ERBB4: variants seen among roughly 807,000 people sequenced by gnomAD.
ERBB4 encodes the protein erb-b2 receptor tyrosine kinase 4.
A neutral mutation model predicts 158.0 loss-of-function variants in ERBB4; 42 were observed. The observed-to-expected ratio is 0.27, with a 90% CI of 0.21 to 0.34. The LOEUF (loss-of-function observed/expected upper bound fraction) is 0.34. ERBB4 is among the 10% of genes least tolerant of loss of function. The pLI is 1.00. For synonymous variants in ERBB4, 583 were observed against 558.7 expected (o/e 1.04, Z -0.61); for missense variants, 1,333 against 1,624.1 (o/e 0.82, Z 3.08).
intron 20 of ERBB4, among the ~76,000 whole-genome samples, chr2:211,476,509 G>C (rs536903359): frequency 2.5e-4 from 38 of 151,344 alleles, no homozygotes; most frequent in Non-Finnish European, 4.6e-4. Context: ...GAGACCCTGA[G>C]TTACAGAAGA....
At position 211,942,815 on chromosome 2, in the gene ERBB4, G is replaced by A. The variant is rs141777426; in HGVS notation, c.421+4615C>T. Among the ~76,000 whole-genome samples, 176 of 151,960 alleles carry A rather than the reference G, an allele frequency of 1.2e-3. 1 individual carries two copies. Among genetic ancestry groups the A allele is most frequent in the African/African-American group, 3.9e-3 (162 of 41,428 alleles). On this transcript the variant is annotated intron_variant, in intron 3 of 27. Coordinates refer to ENST00000342788, the MANE Select transcript of ERBB4 (RefSeq NM_005235.3). Reference sequence around the variant, plus strand: ...GTATTTCTGTATCATCCCAAATATCGCCTTCTCTAAAGATATTCTCATAAT... The same window carrying A: ...GTATTTCTGTATCATCCCAAATATCACCTTCTCTAAAGATATTCTCATAAT...
chr2:212,177,281 C>T (rs2081699255), intron 1 of ERBB4, among the ~76,000 whole-genome samples: 1 of 151,688 alleles, frequency 6.6e-6, no homozygotes, highest in South Asian at 2.1e-4. Context: ...TTAAAATTTG[C>T]AATATTTTTT....
intron 3 of ERBB4, among the ~76,000 whole-genome samples, chr2:211,940,640 C>T (rs796120119): frequency 1.3e-5 from 2 of 151,622 alleles, no homozygotes; most frequent in Non-Finnish European, 2.9e-5. Flanking sequence ...CTTTAAGATT[C>T]CTGAAGGGGT....
chr2:212,329,398 G>A (rs2088019242), intron 1 of ERBB4, among the ~76,000 whole-genome samples: 1 of 152,064 alleles, frequency 6.6e-6, no homozygotes, highest in South Asian at 2.1e-4. Flanking sequence ...AGAGAACACT[G>A]TAATGGAAAA....
chr2:212,140,515 T>A (rs142869781), intron 1 of ERBB4, among the ~76,000 whole-genome samples: 12,752 of 148,600 alleles, frequency 0.086, 1,147 homozygotes, highest in African/African-American at 0.23. Context: ...TATTTCATTT[T>A]TAAAAATGTT....
chr2:211,587,341 C>T (rs1008779257), intron 19 of ERBB4, among the ~76,000 whole-genome samples: 3 of 152,044 alleles, frequency 2.0e-5, no homozygotes, highest in East Asian at 1.9e-4. Flanking sequence ...GGCAACAGAG[C>T]GAGACTGTGT....
intron 3 of ERBB4, among the ~76,000 whole-genome samples, chr2:211,882,288 C>T (rs1023016806): frequency 6.6e-6 from 1 of 152,112 alleles, no homozygotes; most frequent in Non-Finnish European, 1.5e-5. Context: ...CCAGGACCCT[C>T]GGTTCTTTAG....
intron 20 of ERBB4, among the ~76,000 whole-genome samples, chr2:211,436,856 G>C (rs2063866017): frequency 1.3e-5 from 2 of 152,246 alleles, no homozygotes; most frequent in African/African-American, 2.4e-5. Flanking sequence ...AAAATTAGGA[G>C]ACATATTAAA....
intron 19 of ERBB4, among the ~76,000 whole-genome samples, chr2:211,577,977 A>G (rs1438177488): frequency 6.6e-6 from 1 of 152,172 alleles, no homozygotes; most frequent in Non-Finnish European, 1.5e-5. Flanking sequence ...CAGGCAAGAG[A>G]AAGAAATACG....
intron 2 of ERBB4, among the ~76,000 whole-genome samples, chr2:211,983,810 C>A (rs1367720022): frequency 2.6e-5 from 4 of 152,004 alleles, no homozygotes; most frequent in Admixed American, 6.6e-5. Context: ...AGATCTGCTA[C>A]AAAACTGAAT....
intron 1 of ERBB4, among the ~76,000 whole-genome samples, chr2:212,417,751 A>G (rs1016753695): frequency 3.9e-5 from 6 of 152,054 alleles, no homozygotes; most frequent in Admixed American, 6.6e-5. Flanking sequence ...CCTATGTACT[A>G]TAACAGATCC....
intron 1 of ERBB4, among the ~76,000 whole-genome samples, chr2:212,383,077 T>A (rs2090562085): frequency 1.3e-5 from 2 of 151,118 alleles, no homozygotes; most frequent in Admixed American, 1.3e-4. Flanking sequence ...GCTTAGAGAG[T>A]CTTTACCCAT....
chr2:211,568,935 C>G (rs1213147368), intron 19 of ERBB4, among the ~76,000 whole-genome samples: 1 of 152,152 alleles, frequency 6.6e-6, no homozygotes, highest in East Asian at 1.9e-4. Context: ...TAAACGAAAT[C>G]TGCATCTGTT....
Position 211,808,399 on chromosome 2 carries a change from C to CT in ERBB4, c.422-20241dup, listed in dbSNP as rs550141954. On this transcript the variant is annotated intron_variant, in intron 3 of 27. Coordinates refer to ENST00000342788, the MANE Select transcript of ERBB4 (RefSeq NM_005235.3). Reference sequence around the variant, plus strand: ...TAAATAGGGAATCCTTTCCCCATTGCTTTTTTTTTGTCAGGTTTGTCAAGG... The same window carrying CT: ...TAAATAGGGAATCCTTTCCCCATTGCTTTTTTTTTTGTCAGGTTTGTCAAGG... 5.6e-3 allele frequency among the ~76,000 whole-genome samples: 839 copies of CT among 151,122 alleles called. 3 individuals are homozygous for CT. The highest frequency in any genetic ancestry group is 8.8e-3 in the Non-Finnish European group (597 of 67,720).
chr2:212,172,654 C>A (rs1198209393), intron 1 of ERBB4, among the ~76,000 whole-genome samples: 2 of 152,024 alleles, frequency 1.3e-5, no homozygotes, highest in Non-Finnish European at 2.9e-5. Context: ...AGCTGGAGGC[C>A]ATGTTCCTTA....
At chr2:212,054,945 C>G (rs1441697826) in intron 2 of ERBB4, among the ~76,000 whole-genome samples, 2 of 152,126 alleles carry the variant, frequency 1.3e-5, no homozygotes, top group South Asian at 4.1e-4. Context: ...GCTTGTAGGA[C>G]AGTGGGGGCA....
chr2:211,623,797 TA>T (rs1195181459), intron 18 of ERBB4, 124 bp downstream of exon 18: 27 of 911,136 alleles, frequency 3.0e-5, no homozygotes, highest in Non-Finnish European at 4.3e-5. Flanking sequence ...CTCAATATTA[TA>T]AAAGTCTTCC....
In ERBB4 at chr2:211,387,132, C is replaced by T. The variant is rs2062702254; in HGVS notation, c.3202G>A (p.Asp1068Asn). The change falls in exon 27 of 28, where the codon GAT (aspartate) becomes AAT (asparagine). Residue 1068 changes from aspartate (D) to asparagine (N), a missense_variant. This residue lies in a region of ERBB4 where 252 missense variants were observed against 241.3 expected (regional missense o/e 1.04). Transcript: ENST00000342788. ...PMSGNQFVYR[D>N]GGFAAEQGVS... ...CCTTGTTCAGCAGCAAAACCTCCAT[C>T]TCGGTATACAAACTGGTTCTGTTAA... 6.2e-7 allele frequency: 1 copy of T among 1,613,630 alleles called. No individual in the cohort carries two copies. Among genetic ancestry groups the T allele is most frequent in the Non-Finnish European group, 8.5e-7 (1 of 1,179,548 alleles).
chr2:211,569,320 A>AT (rs1164749976), intron 19 of ERBB4, among the ~76,000 whole-genome samples: 9 of 152,060 alleles, frequency 5.9e-5, no homozygotes, highest in Admixed American at 2.0e-4. Context: ...TCTTTATGAT[A>AT]TTTTTTATCC....
Sources: allele counts gnomAD v4.1 joint callset (sites outside exome capture counted in the v4.1 genomes callset), GRCh38; gene constraint gnomAD v4.1.1; regional missense constraint gnomAD v4.1.1; transcripts MANE v1.5; gene names NCBI Gene and HGNC (gene_info 2026-07-23, HGNC 2026-07-21).